The following ZFHX3 variants were observed in gnomAD, a reference collection of about 807,000 sequenced individuals.
The protein encoded by ZFHX3 is zinc finger homeobox 3.
Under a neutral mutation model 279.1 loss-of-function variants are expected in ZFHX3, and 42 were observed. The observed-to-expected ratio is 0.15, with a 90% confidence interval of 0.12 to 0.19. The LOEUF (loss-of-function observed/expected upper bound fraction) is 0.19, where lower values mean the gene tolerates loss of function less well. Among genes scored for constraint, ZFHX3 ranks in the 10% least tolerant of loss-of-function variants. The pLI, the probability that ZFHX3 is intolerant of heterozygous loss-of-function variation, is 1.00. For missense variants in ZFHX3, 4,981 were observed against 4,754.0 expected, an observed-to-expected ratio of 1.05 and a Z score of -1.40; for synonymous variants, 2,293 against 1,957.8, an observed-to-expected ratio of 1.17 and a Z score of -4.52.
At chr16:73,726,222 C>G (rs1052266843) in intron 1 of ZFHX3, among the ~76,000 whole-genome samples, 35 of 152,288 alleles carry the variant, frequency 2.3e-4, no homozygotes, top group Middle Eastern at 3.4e-3. Flanking sequence ...TAGTTCCTTC[C>G]AACACAGTGG....
chr16:72,784,633 A>G lies in ZFHX3; in HGVS notation c.*2531T>C, dbSNP rs1449530599. ...ACAACTTTAAAATTTAAAAATGTTC[A>G]TCTCAAACACAGGAAGAAATACAAG... is the stretch of plus-strand genomic sequence containing the variant. On this transcript the variant is annotated 3_prime_UTR_variant, in exon 10 of 10. Coordinates refer to ENST00000268489, the MANE Select transcript of ZFHX3 (RefSeq NM_006885.4). 1.3e-5 allele frequency: 2 copies of G among 152,498 alleles called. No individual in the cohort carries two copies. Among genetic ancestry groups the G allele is most frequent in the Non-Finnish European group, 2.9e-5 (2 of 68,014 alleles). The allele number at this position is 152,498 out of a possible 1,614,324, so 9.4% of individuals were successfully genotyped here. A position where few individuals can be genotyped will look rare whatever the true frequency, so the allele number is the denominator to read the frequency against.
chr16:73,168,827 C>A (rs980058537), intron 5 of ZFHX3, among the ~76,000 whole-genome samples: 2 of 152,212 alleles, frequency 1.3e-5, no homozygotes, highest in Admixed American at 1.3e-4. Context: ...CCGCTTTACA[C>A]CTCTGCTCCC....
At chr16:72,804,559 C>G (rs2036205996) in intron 7 of ZFHX3, among the ~76,000 whole-genome samples, 1 of 152,060 alleles carries the variant, frequency 6.6e-6, no homozygotes, top group Non-Finnish European at 1.5e-5. Flanking sequence ...ATACATAGTT[C>G]CAAGCTCTTC....
At chr16:73,441,620 G>GC (rs2018094687) in intron 3 of ZFHX3, among the ~76,000 whole-genome samples, 1 of 152,092 alleles carries the variant, frequency 6.6e-6, no homozygotes, top group African/African-American at 2.4e-5. Flanking sequence ...GGAAGTTCAC[G>GC]CAAGTCCAGC....
At chr16:73,779,171 C>T (rs912177912) in intron 1 of ZFHX3, among the ~76,000 whole-genome samples, 1 of 152,176 alleles carries the variant, frequency 6.6e-6, no homozygotes, top group Non-Finnish European at 1.5e-5. Flanking sequence ...AGCCTCCCAA[C>T]ATGTGCCAAA....
chr16:73,296,459 C>G (rs190410928), intron 4 of ZFHX3, among the ~76,000 whole-genome samples: 63 of 152,172 alleles, frequency 4.1e-4, no homozygotes, highest in Middle Eastern at 3.4e-3. Flanking sequence ...CAGTACTGTC[C>G]TAATATGGTG....
chr16:73,076,476 C>T (rs1264407515), intron 8 of ZFHX3, among the ~76,000 whole-genome samples: 2 of 152,180 alleles, frequency 1.3e-5, no homozygotes, highest in Non-Finnish European at 2.9e-5. Flanking sequence ...CAGACTTCCT[C>T]AGGGGGATGT....
At position 72,811,963 on chromosome 16, in the gene ZFHX3, GAGC is replaced by G. The variant is rs1329421842; in HGVS notation, c.3602_3604del (p.Ser1201_Ser1202delinsThr). 1.2e-6 allele frequency: 2 copies of G among 1,614,048 alleles called. No individual in the cohort carries two copies. The highest frequency in any genetic ancestry group is 1.7e-6 in the Non-Finnish European group (2 of 1,180,042). The stretch of plus-strand genomic sequence containing the variant: ...TCGCTTCGAAGAGAGGGGAGACTCT[GAGC>G]TACCTGGGAAGGAGATGCGTTTGGA... On this transcript the variant is annotated inframe_deletion, in exon 6 of 10. Coordinates refer to ENST00000268489, the MANE Select transcript of ZFHX3 (RefSeq NM_006885.4).
At chr16:73,669,193 A>G (rs966862786) in intron 2 of ZFHX3, among the ~76,000 whole-genome samples, 24 of 152,066 alleles carry the variant, frequency 1.6e-4, no homozygotes, top group African/African-American at 5.8e-4. Context: ...AGCTGGGATT[A>G]CAGGCATGTG....
Position 72,811,707 on chromosome 16 carries a change from T to A in ZFHX3, c.3734A>T (p.Gln1245Leu). 9 of 1,614,104 alleles carry A rather than the reference T, an allele frequency of 5.6e-6. No homozygotes were observed. The highest frequency in any genetic ancestry group is 7.6e-6 in the Non-Finnish European group (9 of 1,180,014). Residue 1245 changes from glutamine (Q) to leucine (L), a missense_variant, in exon 7 of 10, where the codon CAG (glutamine) becomes CTG (leucine). This residue lies in a region of ZFHX3 where 1,751 missense variants were observed against 1,770.0 expected (regional missense o/e 0.99). Transcript: ENST00000268489. ...VNRLRVHAMT[Q>L]HSVQPMLRCP... ...GCGAAGCATGGGTTGCACCGAGTGC[T>A]GCGTCATGGCATGCACCCGGAGCCG...
At chr16:73,836,440 C>T (rs1472624075) in intron 1 of ZFHX3, among the ~76,000 whole-genome samples, 2 of 152,104 alleles carry the variant, frequency 1.3e-5, no homozygotes. Flanking sequence ...GGGAAGGAAA[C>T]TTTAAAAATG....
At chr16:73,769,111 C>T (rs2053987785) in intron 1 of ZFHX3, among the ~76,000 whole-genome samples, 1 of 152,154 alleles carries the variant, frequency 6.6e-6, no homozygotes, top group Non-Finnish European at 1.5e-5. Flanking sequence ...TCTGGCAAGC[C>T]TGACCCTGAC....
rs975377498 is a variant in ZFHX3 at position 73,845,548 on chromosome 16, A to G, written c.-1608+46103T>C. Among the ~76,000 whole-genome samples, 16 of 147,572 alleles carry G rather than the reference A, an allele frequency of 1.1e-4. No homozygotes were observed. The South Asian group carries it at 1.3e-3, about 12-fold the overall frequency. On this transcript the variant is annotated intron_variant, in intron 1 of 17. Transcript: ENST00000641206. ...AACATCATCCATCTTCATTTTTTAG[A>G]AAAAAAAAAAGCAGCTTTAGAAAAC...
At position 73,611,371 on chromosome 16, in the gene ZFHX3, G is replaced by A. The variant is rs138230440; in HGVS notation, c.-1547+68809C>T. Among the ~76,000 whole-genome samples the A allele has an allele frequency of 1.7e-3, 255 of 152,272 alleles. No individual in the cohort carries two copies. In the Middle Eastern group the frequency reaches 0.034, roughly 20 times the overall value. On this transcript the variant is annotated intron_variant, in intron 2 of 17. Coordinates refer to the ZFHX3 transcript ENST00000641206. ...TAAAAAATGCTTTTTCTTGAGCACC[G>A]TAGATGATTTGGGGGAGAAAGCTGT...
chr16:72,905,570 T>C (rs1211193074), intron 3 of ZFHX3, among the ~76,000 whole-genome samples: 1 of 150,922 alleles, frequency 6.6e-6, no homozygotes, highest in Non-Finnish European at 1.5e-5. Context: ...GAAGAGGGAG[T>C]ACACTCCGCA....
At chr16:73,675,524 G>C (rs1479222482) in intron 2 of ZFHX3, among the ~76,000 whole-genome samples, 5 of 151,970 alleles carry the variant, frequency 3.3e-5, no homozygotes, top group Admixed American at 1.3e-4. Context: ...AAAGTGCTGT[G>C]AATGAAACTG....
intron 1 of ZFHX3, among the ~76,000 whole-genome samples, chr16:72,972,523 A>T (rs1427851852): frequency 6.6e-6 from 1 of 152,206 alleles, no homozygotes. Context: ...TTTCTTGTGC[A>T]GTGGAACCAA....
At chr16:73,136,999 T>C (rs1183509965) in intron 6 of ZFHX3, among the ~76,000 whole-genome samples, 3 of 151,744 alleles carry the variant, frequency 2.0e-5, no homozygotes, top group Admixed American at 6.6e-5. Context: ...CAGTAAATGA[T>C]TGGAAAATGA....
chr16:73,887,446 G>A (rs991612231), intron 1 of ZFHX3, among the ~76,000 whole-genome samples: 2 of 152,118 alleles, frequency 1.3e-5, no homozygotes, highest in Admixed American at 6.5e-5. Flanking sequence ...GTTCTATAAA[G>A]ATGAAAGCTA....
Sources: allele counts gnomAD v4.1 joint callset (sites outside exome capture counted in the v4.1 genomes callset), GRCh38; gene constraint gnomAD v4.1.1; regional missense constraint gnomAD v4.1.1; transcripts MANE v1.5; gene names NCBI Gene and HGNC (gene_info 2026-07-23, HGNC 2026-07-21).